CERS5: variants seen among roughly 807,000 people sequenced by gnomAD.
The protein encoded by CERS5 is ceramide synthase 5, also known as LAG1 homolog, ceramide synthase 5.
CERS5 carries 37 observed loss-of-function variants against 58.9 expected under a neutral mutation model. The ratio of observed to expected loss-of-function variants is 0.63; its 90% CI spans 0.48 to 0.83. The LOEUF (loss-of-function observed/expected upper bound fraction) is 0.83. Ranked by LOEUF, CERS5 falls within the 40% of genes least tolerant of loss-of-function variation. The pLI is 0.00. For synonymous variants in CERS5, 147 were observed against 177.8 expected (o/e 0.83, Z 1.38); for missense variants, 398 against 489.3 (o/e 0.81, Z 1.76).
In CERS5 at chr12:50,148,623, G is replaced by A. The variant is rs371086646; in HGVS notation, c.198-4566C>T. 22 of 274,740 alleles carry A rather than the reference G, an allele frequency of 8.0e-5. 1 individual carries two copies. The highest frequency in any genetic ancestry group is 1.2e-3 in the Middle Eastern group (2 of 1,602). The allele number at this position is 274,740 out of a possible 1,614,324, so 17.0% of individuals were successfully genotyped here. A position where few individuals can be genotyped will look rare whatever the true frequency, so the allele number is the denominator to read the frequency against. On this transcript the variant is annotated intron_variant, in intron 1 of 9. Coordinates refer to ENST00000317551, the MANE Select transcript of CERS5 (RefSeq NM_147190.5). The stretch of plus-strand genomic sequence containing the variant: ...TAATAAATAAATAAATAGGCCGGGC[G>A]TGGTGACTCAGACTTGTAATACCGG...
intron 1 of CERS5, among the ~76,000 whole-genome samples, chr12:50,151,007 T>A (rs1937898036): frequency 6.6e-6 from 1 of 152,100 alleles, no homozygotes; most frequent in Non-Finnish European, 1.5e-5. Flanking sequence ...GAAATTTCAT[T>A]CTACTTATCC....
rs571750553 is a variant in CERS5 at position 50,145,471 on chromosome 12, C to T, written c.198-1414G>A. On this transcript the variant is annotated intron_variant, in intron 1 of 9. Transcript: ENST00000317551. ...TGACTGGGAGGTGTAAAATGGAGTGCCGTTAACCTATTTTCTTGAGCTGCA... is the reference window on the plus strand; with the variant it reads ...TGACTGGGAGGTGTAAAATGGAGTGTCGTTAACCTATTTTCTTGAGCTGCA... Among the ~76,000 whole-genome samples, 18 of 152,138 alleles carry T rather than the reference C, an allele frequency of 1.2e-4. No individual in the cohort carries two copies. The South Asian group carries it at 1.5e-3, about 12-fold the overall frequency.
chr12:50,145,265 A>G (rs1281068746), intron 1 of CERS5, among the ~76,000 whole-genome samples: 1 of 152,042 alleles, frequency 6.6e-6, no homozygotes, highest in Non-Finnish European at 1.5e-5. Context: ...TTAATTTCCA[A>G]CTTTTGAATC....
chr12:50,135,653 C>G (rs755962688), intron 8 of CERS5, 79 bp downstream of exon 8: 2 of 1,049,088 alleles, frequency 1.9e-6, no homozygotes, highest in African/African-American at 3.1e-5. Flanking sequence ...AACAGAAAAA[C>G]TGAATGGGCA....
At position 50,137,763 on chromosome 12, in the gene CERS5, G is replaced by T; in HGVS notation, c.601C>A (p.Leu201Ile). The T allele has an allele frequency of 1.9e-6, 3 of 1,609,844 alleles. No homozygotes were observed. Among genetic ancestry groups the T allele is most frequent in the South Asian group, 2.2e-5 (2 of 90,712 alleles). Residue 201 changes from leucine (L) to isoleucine (I), a missense_variant, in exon 6 of 10, where the codon CTT (leucine) becomes ATT (isoleucine). Physicochemically the swap from Leu to Ile is conservative, Grantham distance 5 (BLOSUM62 2). Transcript: ENST00000317551. ...YIMELAFYWS[L>I]MFSQFTDIKR... ...ATGTCTGTAAACTGAGAAAACATAA[G>T]GGACCAATAGAAGGCCAATTCCATG...
chr12:50,149,887 C>A (rs540132296), intron 1 of CERS5, among the ~76,000 whole-genome samples: 17 of 152,216 alleles, frequency 1.1e-4, no homozygotes, highest in African/African-American at 4.1e-4. Context: ...GGACTACAGG[C>A]GTGCACCACC....
At chr12:50,133,660 G>A (rs1951457339) in intron 9 of CERS5, 2 of 985,414 alleles carry the variant, frequency 2.0e-6, no homozygotes, top group African/African-American at 1.7e-5. Flanking sequence ...TAAGGGGTAG[G>A]AAATGGTTGA....
chr12:50,158,981 G>C (rs1378797188), intron 1 of CERS5, among the ~76,000 whole-genome samples: 1 of 151,800 alleles, frequency 6.6e-6, no homozygotes, highest in Non-Finnish European at 1.5e-5. Context: ...GATGTAAAAA[G>C]GCAAAATTAT....
rs71083511 is a variant in CERS5, at chr12:50,148,904, CAAAAAA to C, written c.198-4853_198-4848del. 6.3e-3 allele frequency among the ~76,000 whole-genome samples: 453 copies of C among 71,952 alleles called. 4 individuals are homozygous for C. The highest frequency in any genetic ancestry group is 0.013 in the South Asian group (24 of 1,788). 47.2% of individuals were successfully genotyped at this position (71,952 alleles called of 152,430 possible). On this transcript the variant is annotated intron_variant, in intron 1 of 9. Coordinates refer to ENST00000317551, the MANE Select transcript of CERS5 (RefSeq NM_147190.5). Reference sequence around the variant, plus strand: ...GGGGTGACGGAGCGAGACTCCATCTCAAAAAAAAAAAAAAAAAAAAAAAATATATAT... The same window carrying C: ...GGGGTGACGGAGCGAGACTCCATCTCAAAAAAAAAAAAAAAAAATATATAT...
intron 9 of CERS5, chr12:50,132,927 G>C: frequency 7.8e-7 from 1 of 1,288,526 alleles, no homozygotes; most frequent in Non-Finnish European, 1.0e-6. Flanking sequence ...AGATGGACAT[G>C]CCTCACTGAA....
intron 1 of CERS5, among the ~76,000 whole-genome samples, chr12:50,163,201 A>G (rs1399034207): frequency 1.3e-5 from 2 of 148,362 alleles, no homozygotes; most frequent in African/African-American, 2.5e-5. Flanking sequence ...CCAGGCCCCA[A>G]TATTTATTTA....
chr12:50,136,034 G>A lies in CERS5; in HGVS notation c.672C>T (p.Thr224=). 1 of 1,508,410 alleles carries A rather than the reference G, an allele frequency of 6.6e-7. No homozygotes were observed. The highest frequency in any genetic ancestry group is 8.8e-7 in the Non-Finnish European group (1 of 1,131,326). 93.4% of individuals were successfully genotyped at this position (1,508,410 alleles called of 1,614,324 possible). ...FLIMFVHHLV[T]IGLISFSYIN... The stretch of plus-strand genomic sequence containing the variant: ...TGTAGGAGAAGGAGATAAGCCCAAT[G>A]GTGACCAAGTGATGCACAAACATGA... Residue 224 remains threonine, a synonymous_variant, in exon 7 of 10, where the codon ACC becomes ACT. Coordinates refer to ENST00000317551, the MANE Select transcript of CERS5 (RefSeq NM_147190.5).
At chr12:50,160,220 G>A (rs958622908) in intron 1 of CERS5, among the ~76,000 whole-genome samples, 1 of 149,788 alleles carries the variant, frequency 6.7e-6, no homozygotes. Context: ...CAGGAGAATC[G>A]CTTGAACCCA....
intron 4 of CERS5, among the ~76,000 whole-genome samples, chr12:50,140,283 A>AT (rs1404662241): frequency 1.0e-5 from 1 of 97,248 alleles, no homozygotes; most frequent in Admixed American, 1.2e-4. Flanking sequence ...TTAACTTCCA[A>AT]ATTTTTTTTT....
intron 9 of CERS5, chr12:50,133,195 A>C: frequency 8.5e-7 from 1 of 1,180,496 alleles, no homozygotes; most frequent in Non-Finnish European, 1.1e-6. Flanking sequence ...ATCAATATCT[A>C]GGCCACATTC....
At chr12:50,140,366 C>G (rs1951908207) in intron 4 of CERS5, among the ~76,000 whole-genome samples, 1 of 144,244 alleles carries the variant, frequency 6.9e-6, no homozygotes, top group South Asian at 2.2e-4. Context: ...TCATTGCAAC[C>G]TCTGCCTCCA....
intron 8 of CERS5, among the ~76,000 whole-genome samples, chr12:50,135,091 CAGGGAGAGAGAGGAGAGGGAGGG>C (rs1565768041): frequency 2.3e-5 from 3 of 128,926 alleles, no homozygotes; most frequent in Admixed American, 9.5e-5. Context: ...TGAAAGGAGA[CAGGGAGAGAGAGGAGAGGGAGGG>C]AGGGAGAGAG....
At chr12:50,131,225 T>G (rs1389676935) in intron 9 of CERS5, among the ~76,000 whole-genome samples, 3 of 152,216 alleles carry the variant, frequency 2.0e-5, no homozygotes, top group South Asian at 4.1e-4. Flanking sequence ...TTTTCCAATC[T>G]TCTTCCCTTT....
At chr12:50,162,371 A>G (rs979218479) in intron 1 of CERS5, among the ~76,000 whole-genome samples, 7 of 152,224 alleles carry the variant, frequency 4.6e-5, no homozygotes, top group African/African-American at 1.4e-4. Flanking sequence ...GACCAGTTGT[A>G]TGTTGCAACC....
Sources: gnomAD v4.1 joint callset for allele counts (sites outside exome capture counted in the v4.1 genomes callset) on GRCh38, gnomAD v4.1.1 for gene constraint, MANE v1.5 for transcripts, NCBI Gene and HGNC (gene_info 2026-07-23, HGNC 2026-07-21) for gene names.